Variants in EHD4 observed in about 807,000 individuals in gnomAD.
The protein encoded by EHD4 is EH domain containing 4, also known as EH domain-containing protein 4.
In EHD4, 37 loss-of-function variants were observed where a neutral mutation model predicts 51.0. The observed-to-expected ratio is 0.73, with a 90% confidence interval of 0.56 to 0.95. The LOEUF is 0.95. Ranked by LOEUF, EHD4 falls within the 40% of genes least tolerant of loss-of-function variation. EHD4 has a pLI of 0.00. For missense variants in EHD4, 632 were observed against 733.1 expected (o/e 0.86, Z 1.59); for synonymous variants, 297 against 317.3 (o/e 0.94, Z 0.68).
intron 2 of EHD4, among the ~76,000 whole-genome samples, chr15:41,950,727 T>G (rs1204967279): frequency 6.6e-6 from 1 of 151,996 alleles, no homozygotes; most frequent in African/African-American, 2.4e-5. Flanking sequence ...GGACAGAAAC[T>G]CCTCTTGGCC....
chr15:41,902,655 T>TCCCA lies in EHD4; in HGVS notation c.1090-1478_1090-1475dup, dbSNP rs557820791. 2.8e-3 allele frequency among the ~76,000 whole-genome samples: 423 copies of TCCCA among 151,944 alleles called. 1 individual carries two copies. The highest frequency in any genetic ancestry group is 4.2e-3 in the Non-Finnish European group (285 of 67,976). On this transcript the variant is annotated intron_variant, in intron 5 of 5. Coordinates refer to ENST00000220325, the MANE Select transcript of EHD4 (RefSeq NM_139265.4). ...CAGGCTCAGTGGCTCACACCTGTAA[T>TCCCA]CCCAGCACTTTGGGAGGTCAAGGTG...
intron 3 of EHD4, among the ~76,000 whole-genome samples, chr15:41,938,646 A>C (rs753239757): frequency 6.6e-6 from 1 of 152,238 alleles, no homozygotes; most frequent in Non-Finnish European, 1.5e-5. Context: ...TAGAAAATTT[A>C]GATAGAGCTT....
intron 3 of EHD4, among the ~76,000 whole-genome samples, chr15:41,931,199 A>G (rs1466439876): frequency 6.6e-6 from 1 of 152,192 alleles, no homozygotes; most frequent in African/African-American, 2.4e-5. Context: ...TATCATGTCC[A>G]ACATGTTGTT....
At chr15:41,929,977 G>A (rs375119542) in intron 3 of EHD4, among the ~76,000 whole-genome samples, 278 of 152,270 alleles carry the variant, frequency 1.8e-3, no homozygotes, top group African/African-American at 6.5e-3. Context: ...TTATCAAACA[G>A]TAAGTTTCAT....
At chr15:41,936,380 C>T (rs1204131689) in intron 3 of EHD4, among the ~76,000 whole-genome samples, 1 of 152,164 alleles carries the variant, frequency 6.6e-6, no homozygotes, top group Non-Finnish European at 1.5e-5. Flanking sequence ...TCCTACCTCA[C>T]AGAGCTTTTG....
chr15:41,919,101 C>T (rs1284321746), intron 4 of EHD4, 109 bp downstream of exon 4: 7 of 1,430,900 alleles, frequency 4.9e-6, no homozygotes, highest in Non-Finnish European at 6.7e-6. Flanking sequence ...AGCGCATGTT[C>T]ATTCCTTAAG....
intron 4 of EHD4, among the ~76,000 whole-genome samples, chr15:41,914,887 G>A (rs1051793686): frequency 6.6e-6 from 1 of 151,492 alleles, no homozygotes; most frequent in African/African-American, 2.4e-5. Flanking sequence ...TTGGGTTCAA[G>A]TGATTCTCCT....
intron 3 of EHD4, among the ~76,000 whole-genome samples, chr15:41,924,881 A>T (rs2067650982): frequency 6.6e-6 from 1 of 151,752 alleles, no homozygotes; most frequent in Admixed American, 6.6e-5. Context: ...ACTTCGCGAA[A>T]CCCTGTCTCT....
chr15:41,965,081 T>C (rs576456934), intron 1 of EHD4, among the ~76,000 whole-genome samples: 35 of 152,282 alleles, frequency 2.3e-4, no homozygotes, highest in African/African-American at 8.4e-4. Context: ...CTATTATCTA[T>C]ATTTTTTGAG....
chr15:41,936,678 A>G (rs2067733710), intron 3 of EHD4, among the ~76,000 whole-genome samples: 1 of 152,240 alleles, frequency 6.6e-6, no homozygotes, highest in African/African-American at 2.4e-5. Flanking sequence ...GTCATTTCTC[A>G]CAATCAATAA....
intron 5 of EHD4, among the ~76,000 whole-genome samples, chr15:41,906,832 G>A (rs140621365): frequency 2.0e-5 from 3 of 152,350 alleles, no homozygotes; most frequent in Non-Finnish European, 4.4e-5. Context: ...ACTTGGAGTG[G>A]CTGGCTGGAT....
intron 3 of EHD4, among the ~76,000 whole-genome samples, chr15:41,939,571 T>C (rs1436890308): frequency 6.6e-6 from 1 of 152,046 alleles, no homozygotes. Context: ...TAAGTCTTCC[T>C]AGACAATGTT....
At chr15:41,957,879 C>G (rs1184557065) in intron 1 of EHD4, among the ~76,000 whole-genome samples, 1 of 152,168 alleles carries the variant, frequency 6.6e-6, no homozygotes, top group Non-Finnish European at 1.5e-5. Context: ...CACCAAGTAT[C>G]TGACATGGAA....
chr15:41,908,032 A>AT (rs1214659353), intron 5 of EHD4, among the ~76,000 whole-genome samples: 1 of 151,620 alleles, frequency 6.6e-6, no homozygotes, highest in African/African-American at 2.4e-5. Context: ...CACCCGGCTA[A>AT]TTTTTGTATT....
At position 41,904,900 on chromosome 15, in the gene EHD4, C is replaced by T. The variant is rs34484461; in HGVS notation, c.1090-3719G>A. On this transcript the variant is annotated intron_variant, in intron 5 of 5. Coordinates refer to ENST00000220325, the MANE Select transcript of EHD4 (RefSeq NM_139265.4). Reference sequence around the variant, plus strand: ...GCAGCCACACAGGTGGGTTGCAGGGCCTGTCCCAGCTCAGGGAAGGGCCTT... The same window carrying T: ...GCAGCCACACAGGTGGGTTGCAGGGTCTGTCCCAGCTCAGGGAAGGGCCTT... Among the ~76,000 whole-genome samples the T allele has an allele frequency of 6.2e-3, 950 of 152,378 alleles. 3 individuals carry two copies. Among genetic ancestry groups the T allele is most frequent in the Admixed American group, 0.01 (160 of 15,310 alleles).
intron 1 of EHD4, among the ~76,000 whole-genome samples, chr15:41,958,435 C>G (rs1425065142): frequency 6.6e-6 from 1 of 152,110 alleles, no homozygotes; most frequent in African/African-American, 2.4e-5. Flanking sequence ...TGGGGTACCC[C>G]GGTTGCCAGC....
rs941210707 is a variant in EHD4 at position 41,920,549 on chromosome 15, T to G, written c.512-927A>C. ...CCTGACCCCCATGCTAGGGGTCGTC[T>G]CCCCTCTTCTTTTAGATTTTGAAAA... On this transcript the variant is annotated intron_variant, in intron 3 of 5. Transcript: ENST00000220325. Among the ~76,000 whole-genome samples, 6 of 152,366 alleles carry G rather than the reference T, an allele frequency of 3.9e-5. No homozygotes were observed. In the East Asian group the frequency reaches 1.2e-3, roughly 29 times the overall value.
At chr15:41,947,496 T>G (rs2067823550) in intron 2 of EHD4, among the ~76,000 whole-genome samples, 1 of 152,220 alleles carries the variant, frequency 6.6e-6, no homozygotes, top group African/African-American at 2.4e-5. Context: ...GAGTATAGAA[T>G]TGTTTCAAAG....
Position 41,896,127 on chromosome 15 carries a change from G to C in EHD4, c.*4518C>G, listed in dbSNP as rs1380944043. On this transcript the variant is annotated 3_prime_UTR_variant, in exon 6 of 6. Transcript: ENST00000220325. The stretch of plus-strand genomic sequence containing the variant: ...TACACAGTATAAAGGGAATGCATTG[G>C]CCCACACAGTGGAAAAAAATATCTA... 6.6e-6 allele frequency: 1 copy of C among 152,082 alleles called. No individual in the cohort carries two copies. Among genetic ancestry groups the C allele is most frequent in the Non-Finnish European group, 1.5e-5 (1 of 68,036 alleles). The allele number at this position is 152,082 out of a possible 1,614,324, so 9.4% of individuals were successfully genotyped here.
Sources: allele counts gnomAD v4.1 joint callset (sites outside exome capture counted in the v4.1 genomes callset), GRCh38; gene constraint gnomAD v4.1.1; transcripts MANE v1.5; gene names NCBI Gene and HGNC (gene_info 2026-07-23, HGNC 2026-07-21).